Variants in TENM1 observed in about 807,000 individuals in gnomAD.
TENM1 encodes teneurin transmembrane protein 1.
A neutral mutation model predicts 174.8 loss-of-function variants in TENM1; 35 were observed. The ratio of observed to expected loss-of-function variants is 0.20; its 90% confidence interval spans 0.15 to 0.27. The LOEUF (loss-of-function observed/expected upper bound fraction) is 0.27. Among genes scored for constraint, TENM1 ranks in the 10% least tolerant of loss-of-function variants. TENM1 has a pLI of 1.00. For synonymous variants in TENM1, 781 were observed against 798.7 expected (o/e 0.98, Z 0.37); for missense variants, 1,633 against 2,130.1 (o/e 0.77, Z 4.59).
At chrX:124,729,550 G>C (rs1295128845) in intron 4 of TENM1, among the ~76,000 whole-genome samples, 2 of 112,002 alleles carry the variant, frequency 1.8e-5, no homozygotes, top group Admixed American at 1.9e-4. Context: ...ATCTTTCCGG[G>C]TTGCAAAAAA....
chrX:124,925,019 C>T (rs750125958), intron 1 of TENM1, among the ~76,000 whole-genome samples: 3 of 110,010 alleles, frequency 2.7e-5, no homozygotes, highest in Non-Finnish European at 5.7e-5. Flanking sequence ...CTTGTACCCA[C>T]ACCATTAAGC....
At chrX:124,437,104 ATTTTTTTTT>A (rs35632932) in intron 23 of TENM1, among the ~76,000 whole-genome samples, 24 of 34,917 alleles carry the variant, frequency 6.9e-4, no homozygotes, top group South Asian at 2.8e-3. Flanking sequence ...TGCTCGGCTA[ATTTTTTTTT>A]TTTTTTTTTT....
intron 3 of TENM1, among the ~76,000 whole-genome samples, chrX:124,830,619 G>A (rs925738733): frequency 1.8e-5 from 2 of 111,715 alleles, no homozygotes; most frequent in Non-Finnish European, 3.8e-5. Flanking sequence ...TAATTGGGTC[G>A]ACTCAGGTTG....
intron 25 of TENM1, among the ~76,000 whole-genome samples, chrX:124,410,497 C>T (rs2060520400): frequency 9.0e-6 from 1 of 111,510 alleles, no homozygotes; most frequent in Admixed American, 9.5e-5. Context: ...AAAGCAATGG[C>T]AACGAAAGCC....
chrX:124,802,541 G>T (rs1384872412), intron 3 of TENM1, among the ~76,000 whole-genome samples: 1 of 110,874 alleles, frequency 9.0e-6, no homozygotes, highest in African/African-American at 3.3e-5. Context: ...CTGGGGGGCT[G>T]GGGGCTCCCT....
At chrX:124,533,681 A>G (rs1388539678) in intron 15 of TENM1, among the ~76,000 whole-genome samples, 7 of 112,058 alleles carry the variant, frequency 6.2e-5, no homozygotes, top group African/African-American at 1.9e-4. Flanking sequence ...TTTCAATTCA[A>G]TAATATATAG....
chrX:124,382,681 C>T (rs1413293277), exon 31 of TENM1: 1 of 1,206,512 alleles, frequency 8.3e-7, no homozygotes, highest in South Asian at 1.8e-5. Context: ...TTTCCAGGAT[C>T]CCACTCTTGA....
chrX:124,682,523 C>A (rs1363202018), intron 5 of TENM1, among the ~76,000 whole-genome samples: 1 of 111,123 alleles, frequency 9.0e-6, no homozygotes, highest in Non-Finnish European at 1.9e-5. Flanking sequence ...TAAAATCATG[C>A]TATGTTAGAG....
chrX:124,845,127 AT>A (rs1483640016), intron 3 of TENM1, among the ~76,000 whole-genome samples: 1 of 112,189 alleles, frequency 8.9e-6, no homozygotes, highest in African/African-American at 3.2e-5. Flanking sequence ...ATATTCTCTA[AT>A]TTTCAAAACA....
chrX:124,522,466 T>C (rs925208002), intron 17 of TENM1, among the ~76,000 whole-genome samples: 2 of 111,107 alleles, frequency 1.8e-5, no homozygotes, highest in Non-Finnish European at 3.8e-5. Flanking sequence ...ATATTGAATG[T>C]TCAATAAAGA....
At chrX:124,856,954 T>G (rs950558565) in intron 3 of TENM1, among the ~76,000 whole-genome samples, 3 of 111,507 alleles carry the variant, frequency 2.7e-5, no homozygotes, top group Non-Finnish European at 5.7e-5. Flanking sequence ...GCTATCACAG[T>G]GCACTGCATA....
intron 5 of TENM1, among the ~76,000 whole-genome samples, chrX:124,672,850 G>A (rs2051958067): frequency 8.9e-6 from 1 of 111,931 alleles, no homozygotes; most frequent in Admixed American, 9.5e-5. Flanking sequence ...GTGATCTGAA[G>A]TGTGTGTGTT....
chrX:125,054,236 C>A, the TENM1 span, among the ~76,000 whole-genome samples: 18 of 110,189 alleles, frequency 1.6e-4, no homozygotes, highest in Non-Finnish European at 3.4e-4. Context: ...CTCCCCGCAT[C>A]TCTCTTCCCC....
At chrX:124,955,374 C>A (rs1050619660) in intron 1 of TENM1, among the ~76,000 whole-genome samples, 8 of 111,183 alleles carry the variant, frequency 7.2e-5, no homozygotes, top group Non-Finnish European at 1.3e-4. Context: ...TGGACAATCT[C>A]TAGTCTAAAG....
chrX:125,052,708 A>G, the TENM1 span, among the ~76,000 whole-genome samples: 1 of 112,188 alleles, frequency 8.9e-6, no homozygotes, highest in Non-Finnish European at 1.9e-5. Context: ...AATCCAGTGG[A>G]CACATCTCTC....
chrX:125,146,683 G>A, the TENM1 span, among the ~76,000 whole-genome samples: 4 of 111,149 alleles, frequency 3.6e-5, 1 homozygote, highest in African/African-American at 6.5e-5. Flanking sequence ...TTACTAGAAT[G>A]CATATCTAGT....
chrX:124,645,729 T>A (rs1240272651), intron 9 of TENM1, among the ~76,000 whole-genome samples: 1 of 112,466 alleles, frequency 8.9e-6, no homozygotes, highest in Non-Finnish European at 1.9e-5. Context: ...TAAAATATTA[T>A]CTTTAAAAAG....
At chrX:124,816,054 T>G (rs2055888937) in intron 3 of TENM1, among the ~76,000 whole-genome samples, 1 of 111,772 alleles carries the variant, frequency 8.9e-6, no homozygotes, top group African/African-American at 3.2e-5. Flanking sequence ...AGAAAACGTT[T>G]GTGTTTCTTC....
intron 23 of TENM1, among the ~76,000 whole-genome samples, chrX:124,452,743 A>G (rs1420286597): frequency 2.7e-5 from 3 of 109,215 alleles, no homozygotes; most frequent in African/African-American, 1.0e-4. Flanking sequence ...GGAAACCATC[A>G]TTCTCAGCAA....
Sources: allele counts gnomAD v4.1 joint callset (sites outside exome capture counted in the v4.1 genomes callset), GRCh38; gene constraint gnomAD v4.1.1; transcripts MANE v1.5; gene names NCBI Gene and HGNC (gene_info 2026-07-23, HGNC 2026-07-21).